The following ZNF710 variants were observed in gnomAD, a reference collection of about 807,000 sequenced individuals.
ZNF710 encodes zinc finger protein 710.
Under a neutral mutation model 50.6 loss-of-function variants are expected in ZNF710, and 13 were observed. The ratio of observed to expected loss-of-function variants is 0.26; its 90% CI spans 0.17 to 0.41. ZNF710 has a LOEUF of 0.41. ZNF710 is among the 10% of genes least tolerant of loss of function. ZNF710 has a pLI of 1.00. For synonymous variants in ZNF710, 383 were observed against 397.0 expected, an observed-to-expected ratio of 0.96 and a Z score of 0.42; for missense variants, 721 against 936.6, an observed-to-expected ratio of 0.77 and a Z score of 3.01.
chr15:90,079,713 G>A lies in ZNF710; in HGVS notation c.1879G>A (p.Glu627Lys), dbSNP rs767712581. 2.0e-5 allele frequency: 32 copies of A among 1,613,890 alleles called. No individual in the cohort carries two copies. Among genetic ancestry groups the A allele is most frequent in the Non-Finnish European group, 8.5e-7 (1 of 1,179,978 alleles). Reference sequence around the variant, plus strand: ...CCCTTCAGAGCTCGACGGCCAGCAGGAGATGGAGGACTTCGAGGAGAACGC... The same window carrying A: ...CCCTTCAGAGCTCGACGGCCAGCAGAAGATGGAGGACTTCGAGGAGAACGC... ...TDPSELDGQQEMEDFEENAYS... is the reference protein window; with the variant it reads ...TDPSELDGQQKMEDFEENAYS... The change falls in exon 5 of 5, where the codon GAG (glutamate) becomes AAG (lysine). Residue 627 changes from glutamate to lysine, a missense_variant. Coordinates refer to ENST00000268154, the MANE Select transcript of ZNF710 (RefSeq NM_198526.4).
chr15:90,066,020 T>C (rs1027876620), intron 1 of ZNF710, among the ~76,000 whole-genome samples: 2 of 152,244 alleles, frequency 1.3e-5, no homozygotes, highest in Admixed American at 1.3e-4. Flanking sequence ...GGAGCTCTTC[T>C]TTCAAATCAG....
At chr15:90,058,844 A>G (rs891223171) in intron 1 of ZNF710, among the ~76,000 whole-genome samples, 3 of 152,246 alleles carry the variant, frequency 2.0e-5, no homozygotes, top group Non-Finnish European at 4.4e-5. Flanking sequence ...AGCAAGATTC[A>G]TAAGTTACAG....
chr15:90,072,785 C>T (rs1043357822), intron 2 of ZNF710, among the ~76,000 whole-genome samples: 12 of 152,170 alleles, frequency 7.9e-5, no homozygotes, highest in African/African-American at 2.9e-4. Context: ...ACCTTATGTA[C>T]ACATCCACCC....
At chr15:90,063,811 C>T (rs1418254894) in intron 1 of ZNF710, among the ~76,000 whole-genome samples, 4 of 152,138 alleles carry the variant, frequency 2.6e-5, no homozygotes, top group African/African-American at 4.8e-5. Flanking sequence ...TCCTTATGCC[C>T]GCGCCCTTGA....
At position 90,068,270 on chromosome 15, in the gene ZNF710, C is replaced by T; in HGVS notation, c.1133C>T (p.Pro378Leu). 6.2e-7 allele frequency: 1 copy of T among 1,613,192 alleles called. No individual in the cohort carries two copies. Among genetic ancestry groups the T allele is most frequent in the Non-Finnish European group, 8.5e-7 (1 of 1,179,998 alleles). Reference sequence around the variant, plus strand: ...ATGCTGCTGCACTCGGAGGTCAAGCCCTACAGCTGCCACTTCTGCGGCCGC... The same window carrying T: ...ATGCTGCTGCACTCGGAGGTCAAGCTCTACAGCTGCCACTTCTGCGGCCGC... ...RHMLLHSEVK[P>L]YSCHFCGRGF... Residue 378 changes from proline (P) to leucine (L), a missense_variant, in exon 2 of 5, where the codon CCC (proline) becomes CTC (leucine). Pro to Leu is a moderately conservative substitution (Grantham distance 98). Coordinates refer to ENST00000268154, the MANE Select transcript of ZNF710 (RefSeq NM_198526.4). The surrounding 1 kb of genome is among the most constrained non-coding windows in gnomAD (Gnocchi z 5.0).
chr15:90,026,269 C>CAAAA (rs777122257), intron 1 of ZNF710, among the ~76,000 whole-genome samples: 3 of 119,180 alleles, frequency 2.5e-5, no homozygotes, highest in African/African-American at 9.8e-5. Flanking sequence ...ACAACAACAA[C>CAAAA]AAAAAAAAAA....
chr15:90,015,605 T>C (rs1341570301), intron 1 of ZNF710, among the ~76,000 whole-genome samples: 1 of 151,966 alleles, frequency 6.6e-6, no homozygotes, highest in African/African-American at 2.4e-5. Context: ...CTTTTTTTTT[T>C]TTTTTTTGAG....
chr15:90,047,165 C>T (rs57047369), intron 1 of ZNF710, among the ~76,000 whole-genome samples: 39,178 of 152,012 alleles, frequency 0.26, 6,022 homozygotes, highest in East Asian at 0.72. Context: ...GTTTCCAGGG[C>T]CCCAGTTTCC....
chr15:90,068,622 T>C lies in ZNF710; in HGVS notation c.1458+27T>C, dbSNP rs184103047. 40 of 1,553,124 alleles carry C rather than the reference T, an allele frequency of 2.6e-5. No individual in the cohort carries two copies. The highest frequency in any genetic ancestry group is 3.4e-5 in the Non-Finnish European group (39 of 1,150,878). ...TAAGGCCGTTCCCAGGGCCTGGGCA[T>C]CTGCCTGCCCCTCCTGCCACTTTTT... On this transcript the variant is annotated intron_variant, in intron 2 of 4. Coordinates refer to ENST00000268154, the MANE Select transcript of ZNF710 (RefSeq NM_198526.4). The surrounding 1 kb of genome is among the most constrained non-coding windows in gnomAD (Gnocchi z 5.0).
chr15:90,023,185 G>A (rs1326560989), intron 1 of ZNF710, among the ~76,000 whole-genome samples: 1 of 152,128 alleles, frequency 6.6e-6, no homozygotes, highest in African/African-American at 2.4e-5. Context: ...GATGCGATGA[G>A]TCCAAAGCTC....
At chr15:90,049,453 T>G (rs1899569855) in intron 1 of ZNF710, among the ~76,000 whole-genome samples, 1 of 152,140 alleles carries the variant, frequency 6.6e-6, no homozygotes, top group African/African-American at 2.4e-5. Flanking sequence ...CATTCGCTTG[T>G]TTTATAATCA....
intron 1 of ZNF710, among the ~76,000 whole-genome samples, chr15:90,049,657 C>T (rs1899576653): frequency 6.6e-6 from 1 of 152,166 alleles, no homozygotes; most frequent in Non-Finnish European, 1.5e-5. Flanking sequence ...GGGTACCCTC[C>T]CCTGTGACAT....
intron 1 of ZNF710, among the ~76,000 whole-genome samples, chr15:90,003,768 A>G (rs567620346): frequency 6.6e-6 from 1 of 152,120 alleles, no homozygotes; most frequent in East Asian, 1.9e-4. Flanking sequence ...GGCCAGGGTA[A>G]CTGTGCTGGG....
intron 1 of ZNF710, among the ~76,000 whole-genome samples, chr15:90,012,251 C>G (rs1473431020): frequency 6.7e-6 from 1 of 149,272 alleles, no homozygotes; most frequent in Admixed American, 6.7e-5. Context: ...AGTATTGTTC[C>G]CTTAGATAAA....
At chr15:90,005,995 T>C (rs1771605629) in intron 1 of ZNF710, among the ~76,000 whole-genome samples, 1 of 152,168 alleles carries the variant, frequency 6.6e-6, no homozygotes, top group African/African-American at 2.4e-5. Context: ...TGTGGTCATA[T>C]GTCTCTGCCC....
Position 90,034,953 on chromosome 15 carries a change from GGCTTCCCTGC to G in ZNF710, c.-28-32156_-28-32147del, listed in dbSNP as rs1398492547. Among the ~76,000 whole-genome samples the G allele has an allele frequency of 1.3e-5, 2 of 152,178 alleles. No individual in the cohort carries two copies. The highest frequency in any genetic ancestry group is 4.8e-5 in the African/African-American group (2 of 41,464). On this transcript the variant is annotated intron_variant, in intron 1 of 4. Coordinates refer to ENST00000268154, the MANE Select transcript of ZNF710 (RefSeq NM_198526.4). This position sits in a 1 kb window ranked among gnomAD's most constrained non-coding sequence, Gnocchi z 4.0. Reference sequence around the variant, plus strand: ...AGAGGCTTGATGGCCGGAGCCCCAGGGCTTCCCTGCTGGTAGAAGGGGTGTCTGGAGGGCC... The same window carrying G: ...AGAGGCTTGATGGCCGGAGCCCCAGGTGGTAGAAGGGGTGTCTGGAGGGCC...
intron 1 of ZNF710, among the ~76,000 whole-genome samples, chr15:90,004,236 G>T (rs1898083273): frequency 6.6e-6 from 1 of 152,194 alleles, no homozygotes; most frequent in Non-Finnish European, 1.5e-5. Context: ...GACCACCAGA[G>T]ATTTTGCACT....
upstream of ZNF710, among the ~76,000 whole-genome samples, chr15:90,000,271 G>A (rs909107340): frequency 7.2e-4 from 109 of 152,354 alleles, 1 homozygote; most frequent in African/African-American, 2.2e-3. Context: ...GGCTCTGTCC[G>A]AGGGCTCCGG....
rs140667790 is a variant in ZNF710, at chr15:90,067,914, G to C, written c.777G>C (p.Ala259=). Residue 259 remains alanine, a synonymous_variant, in exon 2 of 5, where the codon GCG becomes GCC. Transcript: ENST00000268154. This position sits in a 1 kb window ranked among gnomAD's most constrained non-coding sequence, Gnocchi z 8.1. ...CCAGTGAGTTCGAGGCTGACACGGC[G>C]GGTTCGACCGTGGAACGCCACAAGA... ...QEASEFEADT[A]GSTVERHKKA... The C allele has an allele frequency of 2.6e-4, 426 of 1,612,038 alleles. No individual in the cohort carries two copies. Among genetic ancestry groups the C allele is most frequent in the Non-Finnish European group, 3.2e-4 (381 of 1,178,946 alleles).
Sources: allele counts gnomAD v4.1 joint callset (sites outside exome capture counted in the v4.1 genomes callset), GRCh38; gene constraint gnomAD v4.1.1; non-coding constraint Gnocchi (gnomAD v3.1); transcripts MANE v1.5; gene names NCBI Gene and HGNC (gene_info 2026-07-23, HGNC 2026-07-21).